FGGY: variants seen among roughly 807,000 people sequenced by gnomAD.
The protein encoded by FGGY is FGGY carbohydrate kinase domain-containing protein.
A neutral mutation model predicts 71.3 loss-of-function variants in FGGY; 72 were observed. The observed-to-expected ratio is 1.01, with a 90% CI of 0.84 to 1.23. The LOEUF is 1.23. FGGY is among the 50% of genes most tolerant of loss of function. The pLI is 0.00. For missense variants in FGGY, 668 were observed against 682.3 expected, an observed-to-expected ratio of 0.98 and a Z score of 0.23; for synonymous variants, 251 against 250.3, an observed-to-expected ratio of 1.00 and a Z score of -0.02.
At chr1:59,409,078 C>T (rs1422598682) in intron 5 of FGGY, among the ~76,000 whole-genome samples, 2 of 152,080 alleles carry the variant, frequency 1.3e-5, no homozygotes, top group African/African-American at 4.8e-5. Context: ...CTCTTTTGTC[C>T]TTAGATTTTT....
At chr1:59,575,907 T>A (rs2096067889) in intron 8 of FGGY, among the ~76,000 whole-genome samples, 3 of 152,132 alleles carry the variant, frequency 2.0e-5, no homozygotes, top group African/African-American at 7.2e-5. Flanking sequence ...ATATTTTGGT[T>A]AGGAAAAAAG....
intron 14 of FGGY, among the ~76,000 whole-genome samples, chr1:59,733,656 T>G (rs1014885748): frequency 6.6e-6 from 1 of 152,182 alleles, no homozygotes; most frequent in African/African-American, 2.4e-5. Context: ...GATTTCTTTC[T>G]TTGTTGCTGC....
intron 8 of FGGY, among the ~76,000 whole-genome samples, chr1:59,565,744 C>G (rs1163521787): frequency 6.6e-6 from 1 of 152,162 alleles, no homozygotes; most frequent in Non-Finnish European, 1.5e-5. Context: ...AGATCTTTCC[C>G]AGAGCCTGAT....
chr1:59,721,337 GTTTTTTTT>G (rs71046339), intron 14 of FGGY, among the ~76,000 whole-genome samples: 2 of 105,374 alleles, frequency 1.9e-5, no homozygotes, highest in Admixed American at 1.2e-4. Flanking sequence ...TCTTTCCTTT[GTTTTTTTT>G]TTTTTTTTTT....
chr1:59,363,028 A>G (rs563523445), intron 4 of FGGY, among the ~76,000 whole-genome samples: 48 of 152,348 alleles, frequency 3.2e-4, no homozygotes, highest in African/African-American at 1.0e-3. Flanking sequence ...TCCTAAAAAA[A>G]GAGCTAAGGG....
chr1:59,562,434 G>A (rs561158152), intron 8 of FGGY, among the ~76,000 whole-genome samples: 1 of 152,162 alleles, frequency 6.6e-6, no homozygotes, highest in African/African-American at 2.4e-5. Flanking sequence ...CAGCTGATAG[G>A]TAGATTCCCC....
At chr1:59,683,122 C>T (rs767803692) in intron 14 of FGGY, among the ~76,000 whole-genome samples, 2 of 152,228 alleles carry the variant, frequency 1.3e-5, no homozygotes, top group Middle Eastern at 3.4e-3. Flanking sequence ...AGAAGAATAA[C>T]GAGTATTTTT....
At chr1:59,714,037 G>A (rs2097822897) in intron 14 of FGGY, among the ~76,000 whole-genome samples, 1 of 152,162 alleles carries the variant, frequency 6.6e-6, no homozygotes, top group African/African-American at 2.4e-5. Context: ...CAAACCATCA[G>A]CAGCTCCTTG....
chr1:59,638,198 C>G (rs74086252), intron 10 of FGGY, 30 bp from the exon 11 acceptor site: 2 of 1,606,976 alleles, frequency 1.2e-6, no homozygotes, highest in Non-Finnish European at 1.7e-6. Context: ...CCTATCCCCC[C>G]TTTAAAAATA....
intron 7 of FGGY, 122 bp from the exon 8 acceptor site, chr1:59,554,002 A>T: frequency 1.3e-6 from 1 of 759,038 alleles, no homozygotes; most frequent in Non-Finnish European, 2.1e-6. Context: ...CCCTACACAC[A>T]GGACCCTTCC....
At chr1:59,612,122 T>G (rs1258248945) in intron 9 of FGGY, among the ~76,000 whole-genome samples, 1 of 152,070 alleles carries the variant, frequency 6.6e-6, no homozygotes, top group Non-Finnish European at 1.5e-5. Flanking sequence ...CAGACCAACA[T>G]TCAGATTCAG....
intron 7 of FGGY, among the ~76,000 whole-genome samples, chr1:59,536,527 A>G (rs576631442): frequency 5.3e-5 from 8 of 152,204 alleles, no homozygotes; most frequent in Non-Finnish European, 1.2e-4. Flanking sequence ...ACACAACCAA[A>G]AAAGAGAATT....
intron 14 of FGGY, among the ~76,000 whole-genome samples, chr1:59,679,747 C>T (rs1573068571): frequency 1.3e-5 from 2 of 151,774 alleles, no homozygotes; most frequent in African/African-American, 4.8e-5. Context: ...CTTTTTAGAC[C>T]TTTTTCCTAT....
chr1:59,634,617 A>G (rs1322920194), intron 10 of FGGY, among the ~76,000 whole-genome samples: 1 of 152,052 alleles, frequency 6.6e-6, no homozygotes, highest in Non-Finnish European at 1.5e-5. Flanking sequence ...AGGACATGAG[A>G]GATTTCAGGG....
chr1:59,745,422 A>G (rs2098187720), intron 14 of FGGY, among the ~76,000 whole-genome samples: 1 of 152,180 alleles, frequency 6.6e-6, no homozygotes, highest in African/African-American at 2.4e-5. Flanking sequence ...ATCATTATTC[A>G]TTATGTTAAT....
At chr1:59,752,873 CA>C (rs2098257735) in intron 14 of FGGY, among the ~76,000 whole-genome samples, 1 of 152,284 alleles carries the variant, frequency 6.6e-6, no homozygotes, top group South Asian at 2.1e-4. Flanking sequence ...TTTTTTCCTC[CA>C]GAAACCCTTC....
chr1:59,560,690 G>T (rs1320413895), intron 8 of FGGY, among the ~76,000 whole-genome samples: 1 of 151,524 alleles, frequency 6.6e-6, no homozygotes, highest in Non-Finnish European at 1.5e-5. Context: ...AAAATGTCAT[G>T]CCTGCCTTCA....
intron 14 of FGGY, among the ~76,000 whole-genome samples, chr1:59,686,282 G>A (rs559340837): frequency 6.6e-6 from 1 of 152,256 alleles, no homozygotes; most frequent in South Asian, 2.1e-4. Context: ...ACCTAGGAGT[G>A]TCTCATAGTA....
chr1:59,573,550 C>A (rs1377528456), intron 8 of FGGY, among the ~76,000 whole-genome samples: 1 of 151,944 alleles, frequency 6.6e-6, no homozygotes, highest in Non-Finnish European at 1.5e-5. Context: ...TTGGGAAAAT[C>A]TAGGTGAATA....
Sources: allele counts gnomAD v4.1 joint callset (sites outside exome capture counted in the v4.1 genomes callset), GRCh38; gene constraint gnomAD v4.1.1; transcripts MANE v1.5; gene names NCBI Gene and HGNC (gene_info 2026-07-23, HGNC 2026-07-21).